The following PODN variants were observed in gnomAD, a reference collection of about 807,000 sequenced individuals.
The protein encoded by PODN is podocan.
A neutral mutation model predicts 52.7 loss-of-function variants in PODN; 40 were observed. That is an observed-to-expected ratio of 0.76 (90% CI 0.59 to 0.99). The LOEUF (loss-of-function observed/expected upper bound fraction) is 0.99. Among genes scored for constraint, PODN ranks in the 50% least tolerant of loss-of-function variants. PODN has a pLI of 0.00. For synonymous variants in PODN, 396 were observed against 377.9 expected, an observed-to-expected ratio of 1.05 and a Z score of -0.56; for missense variants, 720 against 815.1, an observed-to-expected ratio of 0.88 and a Z score of 1.42.
chr1:53,069,649 A>G (rs1644081697), intron 1 of PODN, 152 bp from the exon 2 acceptor site: 1 of 1,174,026 alleles, frequency 8.5e-7, no homozygotes, highest in East Asian at 2.7e-5. Context: ...CCGCCTCTGG[A>G]GGGCAGCCTG....
rs1044638735 is a variant in PODN, at chr1:53,078,658, G to C, written c.1148G>C (p.Arg383Pro). ...RVPSGLPRRV[R>P]TLMILHNQIT... ...CCCAGTGGCCTGCCTCGCCGCGTGC[G>C]CACCCTCATGATCCTGCACAACCAG... The change falls in exon 8 of 11, where the codon CGC becomes CCC. Residue 383 changes from arginine to proline, a missense_variant. Transcript: ENST00000312553. 15 of 1,612,838 alleles carry C rather than the reference G, an allele frequency of 9.3e-6. No individual in the cohort carries two copies. Among genetic ancestry groups the C allele is most frequent in the Non-Finnish European group, 1.2e-5 (14 of 1,179,980 alleles).
Position 53,078,735 on chromosome 1 carries a change from C to A in PODN, c.1225C>A (p.Leu409Ile). The A allele has an allele frequency of 1.2e-6, 2 of 1,613,482 alleles. No homozygotes were observed. The highest frequency in any genetic ancestry group is 1.7e-6 in the Non-Finnish European group (2 of 1,179,970). Residue 409 changes from leucine (L) to isoleucine (I), a missense_variant, in exon 8 of 11, where the codon CTC becomes ATC. By Grantham distance (5) the Leu-to-Ile change is conservative. Transcript: ENST00000312553. ...DFATTYFLEE[L>I]NLSYNRITSP... is the part of the protein sequence containing the mutation. ...TGCCACCACCTACTTCCTGGAGGAG[C>A]TCAACCTCAGCTACAACCGCATCAC...
At chr1:53,067,724 C>T (rs536358959) in intron 1 of PODN, among the ~76,000 whole-genome samples, 4 of 152,068 alleles carry the variant, frequency 2.6e-5, no homozygotes, top group East Asian at 3.9e-4. Flanking sequence ...TGAGACCACC[C>T]GGGCAACATA....
intron 1 of PODN, among the ~76,000 whole-genome samples, 178 bp downstream of exon 1, chr1:53,062,486 A>C (rs1319770331): frequency 6.6e-6 from 1 of 152,284 alleles, no homozygotes; most frequent in East Asian, 1.9e-4. Context: ...CCTCCTCTGG[A>C]GTGCGACCCC....
In PODN at chr1:53,081,978, C is replaced by T; in HGVS notation, c.1662-3C>T. The stretch of plus-strand genomic sequence containing the variant: ...GGCATTGACTGCCTCGATGCTCACA[C>T]AGGTTTAACAAGCTGGCTGTGGGCT... On this transcript the variant is annotated splice_region_variant and splice_polypyrimidine_tract_variant and intron_variant, in intron 9 of 10. Coordinates refer to ENST00000312553, the MANE Select transcript of PODN (RefSeq NM_153703.5). The T allele has an allele frequency of 1.3e-6, 2 of 1,586,070 alleles. No individual in the cohort carries two copies. Among genetic ancestry groups the T allele is most frequent in the Non-Finnish European group, 1.7e-6 (2 of 1,162,810 alleles).
At chr1:53,066,937 T>A in intron 1 of PODN, 1 of 1,465,174 alleles carries the variant, frequency 6.8e-7, no homozygotes, top group South Asian at 1.2e-5. Context: ...TCTGCCCTGA[T>A]TGAATTTGGG....
chr1:53,082,570 G>A (rs1023838301), intron 10 of PODN, among the ~76,000 whole-genome samples: 1 of 152,188 alleles, frequency 6.6e-6, no homozygotes, highest in Non-Finnish European at 1.5e-5. Context: ...AGTGAGGGGG[G>A]CAGGTGACTG....
chr1:53,083,772 G>C (rs1644326306), intron 10 of PODN, among the ~76,000 whole-genome samples: 2 of 152,156 alleles, frequency 1.3e-5, no homozygotes, highest in African/African-American at 4.8e-5. Context: ...GTGCAGATAG[G>C]AGGGCTGGTG....
intron 8 of PODN, among the ~76,000 whole-genome samples, chr1:53,080,288 C>T (rs887301055): frequency 2.6e-5 from 4 of 152,242 alleles, no homozygotes; most frequent in African/African-American, 9.6e-5. Context: ...CCACTGCACC[C>T]ATCCAGGGCC....
intron 4 of PODN, 112 bp downstream of exon 4, chr1:53,074,782 G>A (rs914431118): frequency 2.0e-6 from 2 of 1,000,658 alleles, no homozygotes; most frequent in Non-Finnish European, 1.5e-6. Context: ...CTGGGTCCTT[G>A]TTGCTGCTCA....
chr1:53,077,158 A>T, intron 5 of PODN, 32 bp from the exon 6 acceptor site: 5 of 1,608,454 alleles, frequency 3.1e-6, no homozygotes, highest in Non-Finnish European at 4.2e-6. Context: ...TGGGGAGCCC[A>T]GGTGGGTGAG....
chr1:53,071,629 G>A lies in PODN; in HGVS notation c.406+1G>A. The A allele has an allele frequency of 1.9e-6, 3 of 1,612,556 alleles. No individual in the cohort carries two copies. Among genetic ancestry groups the A allele is most frequent in the Non-Finnish European group, 2.5e-6 (3 of 1,178,924 alleles). ...CAAAACAACCGCCTGACTTCCCGAGGTGAGGGGCCACCCAGAGCCCAGGGT... is the reference window on the plus strand; with the variant it reads ...CAAAACAACCGCCTGACTTCCCGAGATGAGGGGCCACCCAGAGCCCAGGGT... On this transcript the variant is annotated splice_donor_variant, in intron 3 of 10. Transcript: ENST00000312553. LOFTEE classifies it high-confidence loss of function.
chr1:53,065,017 C>T (rs1373038359), intron 1 of PODN, among the ~76,000 whole-genome samples: 1 of 152,230 alleles, frequency 6.6e-6, no homozygotes, highest in Non-Finnish European at 1.5e-5. Context: ...CACACACCTC[C>T]CACATGGCTG....
chr1:53,066,857 C>T, intron 1 of PODN: 1 of 1,549,780 alleles, frequency 6.5e-7, no homozygotes, highest in Non-Finnish European at 8.7e-7. Flanking sequence ...GGAGGCAGAA[C>T]AGCCTGCCTG....
rs776975346 is a variant in PODN, at chr1:53,077,684, G to A, written c.739-1G>A. ...CTCCTCCCTTCCCTTCCATCCCCCA[G>A]AACAACAAGCTGGAGAAGATCCCCC... On this transcript the variant is annotated splice_acceptor_variant, in intron 6 of 10. Transcript: ENST00000312553. LOFTEE classifies it high-confidence loss of function. 3.1e-6 allele frequency: 5 copies of A among 1,611,768 alleles called. No homozygotes were observed. The highest frequency in any genetic ancestry group is 2.2e-5 in the East Asian group (1 of 44,838).
Position 53,079,999 on chromosome 1 carries a change from T to TAA in PODN, c.1513-710_1513-709dup, listed in dbSNP as rs5774134. Among the ~76,000 whole-genome samples, 572 of 106,104 alleles carry TAA rather than the reference T, an allele frequency of 5.4e-3. 3 individuals carry two copies. The highest frequency in any genetic ancestry group is 8.4e-3 in the Non-Finnish European group (469 of 55,870). 69.6% of individuals were successfully genotyped at this position (106,104 alleles called of 152,430 possible). A position where few individuals can be genotyped will look rare whatever the true frequency, so the allele number is the denominator to read the frequency against. ...GACAGAGTGAGACGCTGTCTCAAATTAAAAAAAAAAAAAAAAAAAAGGAAA... is the reference window on the plus strand; with the variant it reads ...GACAGAGTGAGACGCTGTCTCAAATTAAAAAAAAAAAAAAAAAAAAAAGGAAA... On this transcript the variant is annotated intron_variant, in intron 8 of 10. Coordinates refer to ENST00000312553, the MANE Select transcript of PODN (RefSeq NM_153703.5).
intron 9 of PODN, 140 bp downstream of exon 9, chr1:53,081,016 C>A: frequency 8.6e-7 from 1 of 1,164,520 alleles, no homozygotes; most frequent in Non-Finnish European, 1.2e-6. Flanking sequence ...TGGGGACAGT[C>A]CTGGCCAGGC....
At position 53,077,724 on chromosome 1, in the gene PODN, G is replaced by A. The variant is rs770620007; in HGVS notation, c.778G>A (p.Glu260Lys). The A allele has an allele frequency of 1.5e-5, 25 of 1,613,534 alleles. No individual in the cohort carries two copies. The highest frequency in any genetic ancestry group is 2.1e-5 in the Non-Finnish European group (25 of 1,179,908). The change falls in exon 7 of 11, where the codon GAG becomes AAG. Residue 260 changes from glutamate (E) to lysine (K), a missense_variant. By Grantham distance (56) the Glu-to-Lys change is moderately conservative. Transcript: ENST00000312553. ...GAAGATCCCCCCGGGGGCCTTCAGC[G>A]AGCTGAGCAGCCTGCGCGAGCTATA... is the stretch of plus-strand genomic sequence containing the variant. ...LEKIPPGAFS[E>K]LSSLRELYLQ...
chr1:53,077,209 A>G lies in PODN; in HGVS notation c.601A>G (p.Asn201Asp). The change falls in exon 6 of 11, where the codon AAC becomes GAC. Residue 201 changes from asparagine to aspartate, a missense_variant. By Grantham distance (23) the Asn-to-Asp change is conservative. Transcript: ENST00000312553. ...PNLRSVYLHN[N>D]KLADAGLPDN... ...CCCCAGGTCTGTGTACCTGCACAAC[A>G]ACAAGCTGGCAGACGCCGGGCTGCC... The G allele has an allele frequency of 6.2e-7, 1 of 1,613,366 alleles. No individual in the cohort carries two copies. Among genetic ancestry groups the G allele is most frequent in the Non-Finnish European group, 8.5e-7 (1 of 1,180,006 alleles).
Sources: gnomAD v4.1 joint callset for allele counts (sites outside exome capture counted in the v4.1 genomes callset) on GRCh38, gnomAD v4.1.1 for gene constraint, MANE v1.5 for transcripts, NCBI Gene and HGNC (gene_info 2026-07-23, HGNC 2026-07-21) for gene names.